The following GRM8 variants were observed in gnomAD, a reference collection of about 807,000 sequenced individuals.
The protein encoded by GRM8 is metabotropic glutamate receptor 8.
In GRM8, 47 loss-of-function variants were observed where a neutral mutation model predicts 87.2. The ratio of observed to expected loss-of-function variants is 0.54; its 90% CI spans 0.43 to 0.69. The LOEUF (loss-of-function observed/expected upper bound fraction) is 0.69, where lower values mean the gene tolerates loss of function less well. Ranked by LOEUF, GRM8 falls within the 30% of genes least tolerant of loss-of-function variation. The pLI is 0.00. For synonymous variants in GRM8, 396 were observed against 404.5 expected (o/e 0.98, Z 0.25); for missense variants, 1,019 against 1,139.2 (o/e 0.89, Z 1.52).
intron 6 of GRM8, among the ~76,000 whole-genome samples, chr7:126,775,785 G>A (rs750142075): frequency 6.6e-6 from 1 of 151,982 alleles, no homozygotes; most frequent in East Asian, 1.9e-4. Flanking sequence ...GAGTGGCCTT[G>A]GACACCTTCC....
chr7:126,842,569 G>A (rs770016850), intron 6 of GRM8, among the ~76,000 whole-genome samples: 1 of 152,154 alleles, frequency 6.6e-6, no homozygotes, highest in East Asian at 1.9e-4. Context: ...GATTAAGATG[G>A]CTGATCAGCT....
intron 8 of GRM8, among the ~76,000 whole-genome samples, chr7:126,558,675 A>T (rs2150951934): frequency 6.6e-6 from 1 of 152,294 alleles, no homozygotes; most frequent in Non-Finnish European, 1.5e-5. Flanking sequence ...AATGATGAGA[A>T]AAAAAAGTCT....
At chr7:126,913,854 G>A (rs1803580029) in intron 3 of GRM8, among the ~76,000 whole-genome samples, 3 of 152,220 alleles carry the variant, frequency 2.0e-5, no homozygotes, top group Admixed American at 2.0e-4. Context: ...CTTTGCAAAA[G>A]AGAAGATTTA....
chr7:127,008,094 G>T (rs1254890359), intron 3 of GRM8, among the ~76,000 whole-genome samples: 1 of 151,946 alleles, frequency 6.6e-6, no homozygotes, highest in African/African-American at 2.4e-5. Flanking sequence ...GCAGAGGAAA[G>T]TCAGACTTAA....
chr7:127,080,920 G>A (rs538343957), intron 3 of GRM8: 1 of 152,100 alleles, frequency 6.6e-6, no homozygotes, highest in Non-Finnish European at 1.5e-5. Flanking sequence ...AGCTAGTTTT[G>A]GGATGGCTCT....
intron 3 of GRM8, among the ~76,000 whole-genome samples, chr7:127,069,204 C>T (rs17869528): frequency 0.016 from 2,493 of 152,232 alleles, 112 homozygotes; most frequent in East Asian, 0.13. Context: ...ACTCTGCTGC[C>T]CAGGCTGGAG....
intron 2 of GRM8, among the ~76,000 whole-genome samples, chr7:127,176,179 T>G (rs1404493449): frequency 6.6e-6 from 1 of 152,120 alleles, no homozygotes; most frequent in African/African-American, 2.4e-5. Context: ...AAAAAAATTT[T>G]TAAGAAATGT....
chr7:126,914,822 A>G (rs1333792266), intron 3 of GRM8, among the ~76,000 whole-genome samples: 1 of 152,224 alleles, frequency 6.6e-6, no homozygotes, highest in Non-Finnish European at 1.5e-5. Context: ...TACTATGTTC[A>G]TCATCTGGCT....
intron 9 of GRM8, among the ~76,000 whole-genome samples, chr7:126,472,189 T>A (rs1805348758): frequency 6.6e-6 from 1 of 152,202 alleles, no homozygotes; most frequent in African/African-American, 2.4e-5. Context: ...TTCCTTCTCC[T>A]GCCTAATTGC....
intron 3 of GRM8, among the ~76,000 whole-genome samples, chr7:126,943,098 A>T (rs1345585613): frequency 6.6e-6 from 1 of 152,200 alleles, no homozygotes; most frequent in Non-Finnish European, 1.5e-5. Context: ...CTCTTTGAAA[A>T]GCAAGATTCT....
chr7:126,769,405 G>A (rs1818579717), intron 7 of GRM8, among the ~76,000 whole-genome samples: 2 of 152,024 alleles, frequency 1.3e-5, no homozygotes, highest in Admixed American at 6.6e-5. Context: ...AGAAAACACA[G>A]AAACTTAACA....
rs140387724 is a variant in GRM8, at chr7:126,445,613, G to T, written c.2677+513C>A. Reference sequence around the variant, plus strand: ...AGCCCTCAGGAAGCCCAAGGAAAGGGGACCACGTGGGAGAAACAAGTATTA... The same window carrying T: ...AGCCCTCAGGAAGCCCAAGGAAAGGTGACCACGTGGGAGAAACAAGTATTA... On this transcript the variant is annotated intron_variant, in intron 10 of 10. Coordinates refer to ENST00000339582, the MANE Select transcript of GRM8 (RefSeq NM_000845.3). 6.3e-4 allele frequency among the ~76,000 whole-genome samples: 96 copies of T among 152,108 alleles called. No individual in the cohort carries two copies. The East Asian group carries it at 0.017, about 27-fold the overall frequency.
chr7:126,821,433 A>G (rs1421723907), intron 6 of GRM8, among the ~76,000 whole-genome samples: 1 of 152,342 alleles, frequency 6.6e-6, no homozygotes, highest in Middle Eastern at 3.4e-3. Flanking sequence ...GTATCTACAA[A>G]AGTGGAATAA....
chr7:127,044,337 A>G (rs1818725914), intron 3 of GRM8, among the ~76,000 whole-genome samples: 1 of 152,162 alleles, frequency 6.6e-6, no homozygotes, highest in South Asian at 2.1e-4. Flanking sequence ...CCACCTGCCT[A>G]CAGACAAGGA....
At chr7:126,732,006 T>C (rs1183821735) in intron 7 of GRM8, among the ~76,000 whole-genome samples, 2 of 151,988 alleles carry the variant, frequency 1.3e-5, no homozygotes, top group Non-Finnish European at 2.9e-5. Flanking sequence ...AGAATTGCCA[T>C]GGGGTAAAAA....
intron 7 of GRM8, among the ~76,000 whole-genome samples, chr7:126,658,955 C>T (rs1296239655): frequency 1.3e-5 from 2 of 152,036 alleles, no homozygotes; most frequent in Non-Finnish European, 2.9e-5. Context: ...GCGGCCGCTA[C>T]AGTCATTTAT....
At chr7:127,135,220 C>T (rs1301644571) in intron 2 of GRM8, among the ~76,000 whole-genome samples, 1 of 151,936 alleles carries the variant, frequency 6.6e-6, no homozygotes, top group Non-Finnish European at 1.5e-5. Flanking sequence ...AAATATTTAA[C>T]CCATTCAAAA....
chr7:126,463,742 A>G (rs114647359), intron 9 of GRM8, among the ~76,000 whole-genome samples: 1,843 of 151,720 alleles, frequency 0.012, 51 homozygotes, highest in African/African-American at 0.042. Flanking sequence ...TAAAATTCCT[A>G]TGTCAGCAGC....
intron 9 of GRM8, among the ~76,000 whole-genome samples, chr7:126,471,508 C>A (rs989889277): frequency 1.3e-5 from 2 of 151,802 alleles, no homozygotes; most frequent in Non-Finnish European, 2.9e-5. Flanking sequence ...TGTAGATATG[C>A]GGCGTTATTT....
Sources: gnomAD v4.1 joint callset for allele counts (sites outside exome capture counted in the v4.1 genomes callset) on GRCh38, gnomAD v4.1.1 for gene constraint, MANE v1.5 for transcripts, NCBI Gene and HGNC (gene_info 2026-07-23, HGNC 2026-07-21) for gene names.